Variants in SCAMP1 observed in about 807,000 individuals in gnomAD.
SCAMP1 encodes the protein secretory carrier membrane protein 1, also known as secretory carrier-associated membrane protein 1.
Under a neutral mutation model 41.8 loss-of-function variants are expected in SCAMP1, and 15 were observed. The ratio of observed to expected loss-of-function variants is 0.36; its 90% CI spans 0.24 to 0.55. The LOEUF is 0.55. SCAMP1 is among the 20% of genes least tolerant of loss of function. SCAMP1 has a pLI of 0.86. For missense variants in SCAMP1, 341 were observed against 412.6 expected (o/e 0.83, Z 1.50); for synonymous variants, 135 against 136.8 (o/e 0.99, Z 0.09).
rs1337027581 is a variant in SCAMP1, at chr5:78,408,244, G to A, written c.136-7276G>A. ...ACGTGTTACCTGGTGGCAGGCAAGAGAGCATGTGTAGGGGAAGTCCCCTTT... is the reference window on the plus strand; with the variant it reads ...ACGTGTTACCTGGTGGCAGGCAAGAAAGCATGTGTAGGGGAAGTCCCCTTT... On this transcript the variant is annotated intron_variant, in intron 2 of 8. Transcript: ENST00000621999. 2.6e-5 allele frequency among the ~76,000 whole-genome samples: 4 copies of A among 152,166 alleles called. No individual in the cohort carries two copies. The East Asian group carries it at 7.7e-4, about 29-fold the overall frequency.
At chr5:78,413,737 T>C (rs1460106524) in intron 2 of SCAMP1, among the ~76,000 whole-genome samples, 1 of 152,192 alleles carries the variant, frequency 6.6e-6, no homozygotes, top group Non-Finnish European at 1.5e-5. Flanking sequence ...CTTTTGTATA[T>C]GCATTTTAGA....
At position 78,428,140 on chromosome 5, in the gene SCAMP1, A is replaced by G. The variant is rs575021559; in HGVS notation, c.632+6180A>G. 1.6e-3 allele frequency among the ~76,000 whole-genome samples: 249 copies of G among 152,004 alleles called. 1 individual carries two copies. The highest frequency in any genetic ancestry group is 5.8e-3 in the African/African-American group (239 of 41,474). On this transcript the variant is annotated intron_variant, in intron 6 of 8. Transcript: ENST00000621999. ...CATGGCCATAAAGATTTTCTCTTAT[A>G]TTTTCTCCTAGAAGTTTGTGGTTTA...
Position 78,445,623 on chromosome 5 carries a change from T to C in SCAMP1, c.633-4310T>C, listed in dbSNP as rs190246008. 2.7e-4 allele frequency among the ~76,000 whole-genome samples: 41 copies of C among 152,172 alleles called. No individual in the cohort carries two copies. The East Asian group carries it at 7.7e-3, about 29-fold the overall frequency. On this transcript the variant is annotated intron_variant, in intron 6 of 8. Coordinates refer to ENST00000621999, the MANE Select transcript of SCAMP1 (RefSeq NM_004866.6). ...TTCTGAATGCCAATAGAAGTTCTTC[T>C]TCCCCTGATGATGTATTTTTTTTTT...
chr5:78,404,663 G>A (rs1052536614), intron 2 of SCAMP1, among the ~76,000 whole-genome samples: 3 of 152,068 alleles, frequency 2.0e-5, no homozygotes, highest in African/African-American at 7.3e-5. Flanking sequence ...GGCTAGAGTT[G>A]GCTGCAGTTG....
chr5:78,412,450 C>T (rs1359117780), intron 2 of SCAMP1, among the ~76,000 whole-genome samples: 1 of 151,030 alleles, frequency 6.6e-6, no homozygotes, highest in African/African-American at 2.4e-5. Context: ...TTTTGTTTTT[C>T]CTCCCCCAAT....
rs977944432 is a variant in SCAMP1, at chr5:78,478,196, A to C, written c.*2528A>C. ...AGAAATGCCCTCCATGTGTCCCTCT[A>C]ATGTTGCATGTTTCAGTGGGTTGGA... On this transcript the variant is annotated 3_prime_UTR_variant, in exon 9 of 9. Transcript: ENST00000621999. 6.6e-6 allele frequency: 1 copy of C among 152,506 alleles called. No homozygotes were observed. Among genetic ancestry groups the C allele is most frequent in the Non-Finnish European group, 1.5e-5 (1 of 67,976 alleles). 9.4% of individuals were successfully genotyped at this position (152,506 alleles called of 1,614,324 possible).
rs1377465921 is a variant in SCAMP1 at position 78,415,579 on chromosome 5, A to G, written c.195A>G (p.Lys65=). ...CCAATACACAACCAGCAATAATGAA[A>G]CCAACAGAGGAACATCCAGCTTATA... The part of the protein sequence containing the change: ...NVPNTQPAIM[K]PTEEHPAYTQ... Residue 65 remains lysine (K), a synonymous_variant, in exon 3 of 9, where the codon AAA becomes AAG. Transcript: ENST00000621999. 6.2e-7 allele frequency: 1 copy of G among 1,607,340 alleles called. No homozygotes were observed. The highest frequency in any genetic ancestry group is 8.5e-7 in the Non-Finnish European group (1 of 1,176,692).
At chr5:78,432,450 G>C (rs1015316290) in intron 6 of SCAMP1, among the ~76,000 whole-genome samples, 3 of 152,018 alleles carry the variant, frequency 2.0e-5, no homozygotes, top group African/African-American at 7.2e-5. Context: ...ATCTTTGAAA[G>C]ATATTATCAA....
Position 78,475,789 on chromosome 5 carries a change from T to A in SCAMP1, c.*121T>A. On this transcript the variant is annotated 3_prime_UTR_variant, in exon 9 of 9. Transcript: ENST00000621999. ...GACAGCATGGATATTTCCTGTTCAC[T>A]TGTGCATGGGCTAAAACCAGGAAAA... 1.4e-6 allele frequency: 1 copy of A among 724,138 alleles called. No homozygotes were observed. The highest frequency in any genetic ancestry group is 1.9e-6 in the Non-Finnish European group (1 of 515,340). 44.9% of individuals were successfully genotyped at this position (724,138 alleles called of 1,614,324 possible). A position where few individuals can be genotyped will look rare whatever the true frequency, so the allele number is the denominator to read the frequency against.
Position 78,398,692 on chromosome 5 carries a change from C to T in SCAMP1, c.135+9778C>T, listed in dbSNP as rs184732531. Among the ~76,000 whole-genome samples the T allele has an allele frequency of 3.6e-3, 543 of 151,290 alleles. 6 individuals are homozygous for T. Among genetic ancestry groups the T allele is most frequent in the African/African-American group, 0.013 (521 of 41,214 alleles). On this transcript the variant is annotated intron_variant, in intron 2 of 8. Coordinates refer to ENST00000621999, the MANE Select transcript of SCAMP1 (RefSeq NM_004866.6). Reference sequence around the variant, plus strand: ...CTGAGTAGCTGGGATTACAGGTTTGCGCCACCACACCCGCCTACTTTTTTG... The same window carrying T: ...CTGAGTAGCTGGGATTACAGGTTTGTGCCACCACACCCGCCTACTTTTTTG...
At chr5:78,385,436 T>C (rs1431633994) in intron 1 of SCAMP1, among the ~76,000 whole-genome samples, 1 of 152,086 alleles carries the variant, frequency 6.6e-6, no homozygotes, top group Non-Finnish European at 1.5e-5. Context: ...TGTTTGTTTC[T>C]ATTTCATTTA....
intron 6 of SCAMP1, among the ~76,000 whole-genome samples, chr5:78,449,632 TAAA>T (rs1322181240): frequency 6.6e-6 from 1 of 152,218 alleles, no homozygotes. Flanking sequence ...TGCTGTTTAA[TAAA>T]AGAAGAAAAC....
intron 2 of SCAMP1, among the ~76,000 whole-genome samples, chr5:78,398,989 C>G (rs1751733079): frequency 6.6e-6 from 1 of 152,162 alleles, no homozygotes; most frequent in African/African-American, 2.4e-5. Flanking sequence ...TGCCCCTTCC[C>G]AGACCTTGGC....
intron 6 of SCAMP1, among the ~76,000 whole-genome samples, chr5:78,426,658 A>C (rs974202119): frequency 6.6e-6 from 1 of 152,176 alleles, no homozygotes; most frequent in Non-Finnish European, 1.5e-5. Context: ...AATCATTACC[A>C]CAATCAGTTT....
At chr5:78,447,634 A>G (rs1453316950) in intron 6 of SCAMP1, among the ~76,000 whole-genome samples, 1 of 152,196 alleles carries the variant, frequency 6.6e-6, no homozygotes, top group Non-Finnish European at 1.5e-5. Context: ...AAAACTGAAA[A>G]TAGAAAACTC....
chr5:78,446,890 A>C (rs532038927), intron 6 of SCAMP1, among the ~76,000 whole-genome samples: 1 of 152,308 alleles, frequency 6.6e-6, no homozygotes. Context: ...GAAATGGCTG[A>C]TTCTAGAGTA....
rs1753266852 is a variant in SCAMP1, at chr5:78,452,590, G to C, written c.734+2556G>C. ...CATTTTCTTAATCCAGTCTATCATTGTTGGACATTTGGGTTGGTTCCAAGT... is the reference window on the plus strand; with the variant it reads ...CATTTTCTTAATCCAGTCTATCATTCTTGGACATTTGGGTTGGTTCCAAGT... On this transcript the variant is annotated intron_variant, in intron 7 of 8. Transcript: ENST00000621999. Among the ~76,000 whole-genome samples, 3 of 148,616 alleles carry C rather than the reference G, an allele frequency of 2.0e-5. No individual in the cohort carries two copies. In the Admixed American group the frequency reaches 2.0e-4, roughly 10 times the overall value.
chr5:78,428,948 A>AT lies in SCAMP1; in HGVS notation c.632+6990dup, dbSNP rs199967738. The stretch of plus-strand genomic sequence containing the variant: ...TTAGAAATAAAGTTGTCTTTCATAT[A>AT]TTGATCTTGTATCATTCTACCTTGC... On this transcript the variant is annotated intron_variant, in intron 6 of 8. Transcript: ENST00000621999. 5.4e-3 allele frequency among the ~76,000 whole-genome samples: 819 copies of AT among 152,174 alleles called. 10 individuals are homozygous for AT. Among genetic ancestry groups the AT allele is most frequent in the African/African-American group, 0.019 (779 of 41,532 alleles).
chr5:78,393,412 TCCTC>T (rs1213728777), intron 2 of SCAMP1, among the ~76,000 whole-genome samples: 1 of 151,894 alleles, frequency 6.6e-6, no homozygotes, highest in African/African-American at 2.4e-5. Context: ...CCTCAAGTGA[TCCTC>T]CTGCCTTGGC....
Sources: allele counts gnomAD v4.1 joint callset (sites outside exome capture counted in the v4.1 genomes callset), GRCh38; gene constraint gnomAD v4.1.1; transcripts MANE v1.5; gene names NCBI Gene and HGNC (gene_info 2026-07-23, HGNC 2026-07-21).